P4HA2: variants seen among roughly 807,000 people sequenced by gnomAD.
The protein encoded by P4HA2 is prolyl 4-hydroxylase subunit alpha-2.
P4HA2 carries 46 observed loss-of-function variants against 76.9 expected under a neutral mutation model. The observed-to-expected ratio is 0.60, with a 90% CI of 0.47 to 0.76. P4HA2 has a LOEUF of 0.76. P4HA2 is among the 30% of genes least tolerant of loss of function. The pLI is 0.00. For missense variants in P4HA2, 583 were observed against 669.4 expected, an observed-to-expected ratio of 0.87 and a Z score of 1.42; for synonymous variants, 243 against 254.0, an observed-to-expected ratio of 0.96 and a Z score of 0.41.
At chr5:132,197,130 T>C (rs908332401) in intron 12 of P4HA2, among the ~76,000 whole-genome samples, 1 of 152,162 alleles carries the variant, frequency 6.6e-6, no homozygotes, top group Non-Finnish European at 1.5e-5. Context: ...ATGTGAAAGA[T>C]AAACCCTACA....
chr5:132,222,928 C>T (rs1754836523), intron 1 of P4HA2, among the ~76,000 whole-genome samples: 1 of 152,234 alleles, frequency 6.6e-6, no homozygotes, highest in South Asian at 2.1e-4. Flanking sequence ...AGAGACTTGG[C>T]AGTCTGGATG....
chr5:132,201,290 C>T (rs1751441860), intron 10 of P4HA2: 1 of 152,318 alleles, frequency 6.6e-6, no homozygotes, highest in Middle Eastern at 3.4e-3. Context: ...AAGCCCTCAT[C>T]CAATTCACCA....
rs147398523 is a variant in P4HA2, at chr5:132,204,104, C to A, written c.1129G>T (p.Ala377Ser). ...RDPKTGVLTV[A>S]SYRVSKSSWL... ...TACCTTTTGGAAACCCGGTAGCTGGCGACAGTGAGGACTCCTGTCTTGGGA... is the reference window on the plus strand; with the variant it reads ...TACCTTTTGGAAACCCGGTAGCTGGAGACAGTGAGGACTCCTGTCTTGGGA... The change falls in exon 9 of 15, where the codon GCC becomes TCC. Residue 377 changes from alanine to serine, a missense_variant. Transcript: ENST00000360568. The A allele has an allele frequency of 3.3e-5, 54 of 1,613,740 alleles. No homozygotes were observed. Among genetic ancestry groups the A allele is most frequent in the Non-Finnish European group, 4.4e-5 (52 of 1,179,618 alleles).
chr5:132,226,882 C>T (rs1755477895), intron 1 of P4HA2: 1 of 152,692 alleles, frequency 6.5e-6, no homozygotes. Context: ...CTTGCTTCCA[C>T]TACAAGGCCA....
Position 132,210,275 on chromosome 5 carries a change from T to C in P4HA2, c.709+9A>G. The C allele has an allele frequency of 6.2e-7, 1 of 1,613,830 alleles. No individual in the cohort carries two copies. The highest frequency in any genetic ancestry group is 8.5e-7 in the Non-Finnish European group (1 of 1,179,862). ...ATTCCCATCTTACCTTCCCCTAGAA[T>C]CTCCTTACCAAGGGAGAGCAGGCGG... On this transcript the variant is annotated intron_variant, in intron 6 of 14. Coordinates refer to ENST00000360568, the MANE Select transcript of P4HA2 (RefSeq NM_001017974.2).
chr5:132,222,114 T>C (rs1445275585), intron 1 of P4HA2: 3 of 152,274 alleles, frequency 2.0e-5, no homozygotes, highest in Non-Finnish European at 2.9e-5. Flanking sequence ...TTTAACAATG[T>C]ATTTAACAGC....
chr5:132,225,478 C>G (rs539761159), intron 1 of P4HA2, among the ~76,000 whole-genome samples: 1 of 152,178 alleles, frequency 6.6e-6, no homozygotes, highest in Non-Finnish European at 1.5e-5. Flanking sequence ...CCTAGATTCC[C>G]TCAACCGACT....
At chr5:132,195,344 T>A in intron 13 of P4HA2, 68 bp downstream of exon 13, 1 of 1,170,128 alleles carries the variant, frequency 8.5e-7, no homozygotes, top group Non-Finnish European at 1.3e-6. Flanking sequence ...GTAATGGTAC[T>A]GGGGGACATG....
chr5:132,194,679 A>T (rs1406293398), intron 14 of P4HA2, among the ~76,000 whole-genome samples: 1 of 152,196 alleles, frequency 6.6e-6, no homozygotes, highest in Non-Finnish European at 1.5e-5. Context: ...GTGCTTATGC[A>T]GCTATTCGTC....
chr5:132,193,384 A>T, intron 14 of P4HA2: 1 of 183,060 alleles, frequency 5.5e-6, no homozygotes, highest in Non-Finnish European at 1.1e-5. Context: ...CTCTATTCCC[A>T]TGGCAACCTG....
At chr5:132,214,553 C>T (rs1389549282) in intron 4 of P4HA2, among the ~76,000 whole-genome samples, 2 of 152,158 alleles carry the variant, frequency 1.3e-5, no homozygotes, top group Non-Finnish European at 2.9e-5. Context: ...GGGACAATGA[C>T]AGTTAACTAA....
intron 4 of P4HA2, among the ~76,000 whole-genome samples, chr5:132,215,213 C>T (rs1405221765): frequency 6.6e-6 from 1 of 152,202 alleles, no homozygotes; most frequent in Non-Finnish European, 1.5e-5. Flanking sequence ...GGGGAACATG[C>T]TGCCAGGAAA....
At chr5:132,206,202 C>T (rs1249396176) in intron 8 of P4HA2, among the ~76,000 whole-genome samples, 1 of 152,174 alleles carries the variant, frequency 6.6e-6, no homozygotes, top group African/African-American at 2.4e-5. Context: ...TTCTCAGTGT[C>T]TGGAACTGAA....
intron 5 of P4HA2, among the ~76,000 whole-genome samples, chr5:132,212,330 TG>T (rs1227347907): frequency 1.3e-5 from 2 of 152,084 alleles, no homozygotes; most frequent in Non-Finnish European, 2.9e-5. Context: ...AGCAGTAAGC[TG>T]GAGGTAGGAG....
chr5:132,214,113 G>A (rs1449076138), intron 4 of P4HA2, 60 bp from the exon 5 acceptor site: 5 of 1,547,054 alleles, frequency 3.2e-6, no homozygotes, highest in Non-Finnish European at 4.4e-6. Context: ...ATTCCACTTG[G>A]GACCAGAGAG....
In P4HA2 at chr5:132,203,735, G is replaced by C; in HGVS notation, c.1251+13C>G. Reference sequence around the variant, plus strand: ...CACTTCCCAACTCCTACAGTCCCAGGTACTATCTGTACCTGTAACAATTCT... The same window carrying C: ...CACTTCCCAACTCCTACAGTCCCAGCTACTATCTGTACCTGTAACAATTCT... On this transcript the variant is annotated intron_variant, in intron 10 of 14. Transcript: ENST00000360568. 6.6e-7 allele frequency: 1 copy of C among 1,522,900 alleles called. No homozygotes were observed. The highest frequency in any genetic ancestry group is 9.1e-7 in the Non-Finnish European group (1 of 1,096,872). 94.3% of individuals were successfully genotyped at this position (1,522,900 alleles called of 1,614,324 possible).
intron 3 of P4HA2, 137 bp downstream of exon 3, chr5:132,217,615 T>G (rs1034969784): frequency 2.9e-6 from 2 of 699,438 alleles, no homozygotes; most frequent in East Asian, 5.0e-5. Context: ...TCTCAAGCAC[T>G]GGCATGAAGT....
At chr5:132,195,703 G>A (rs1750531506) in intron 12 of P4HA2, 1 of 583,898 alleles carries the variant, frequency 1.7e-6, no homozygotes. Flanking sequence ...GTGTTCAAGA[G>A]TTGAGGCCCA....
chr5:132,217,389 A>C (rs1205758892), intron 3 of P4HA2, 41 bp from the exon 4 acceptor site: 4 of 1,605,778 alleles, frequency 2.5e-6, no homozygotes. Context: ...GCGTCCACCC[A>C]CATAGGTCTT....
Sources: gnomAD v4.1 joint callset for allele counts (sites outside exome capture counted in the v4.1 genomes callset) on GRCh38, gnomAD v4.1.1 for gene constraint, MANE v1.5 for transcripts, NCBI Gene and HGNC (gene_info 2026-07-23, HGNC 2026-07-21) for gene names.